SLC41A1: variants seen among roughly 807,000 people sequenced by gnomAD.
SLC41A1 encodes solute carrier family 41 (magnesium transporter), member 1.
In SLC41A1, 20 loss-of-function variants were observed where a neutral mutation model predicts 47.3. The ratio of observed to expected loss-of-function variants is 0.42; its 90% confidence interval spans 0.30 to 0.61. The LOEUF is 0.61. Ranked by LOEUF, SLC41A1 falls within the 20% of genes least tolerant of loss-of-function variation. SLC41A1 has a pLI of 0.17. For missense variants in SLC41A1, 504 were observed against 674.1 expected, an observed-to-expected ratio of 0.75 and a Z score of 2.79; for synonymous variants, 282 against 272.7, an observed-to-expected ratio of 1.03 and a Z score of -0.34.
chr1:205,791,214 A>AC lies in SLC41A1; in HGVS notation c.*318dup, dbSNP rs1655619391. 1.2e-5 allele frequency: 5 copies of AC among 405,012 alleles called. No homozygotes were observed. 25.1% of individuals were successfully genotyped at this position (405,012 alleles called of 1,614,324 possible). On this transcript the variant is annotated 3_prime_UTR_variant, in exon 11 of 11. Coordinates refer to ENST00000367137, the MANE Select transcript of SLC41A1 (RefSeq NM_173854.6). This position sits in a 1 kb window ranked among gnomAD's most constrained non-coding sequence, Gnocchi z 4.0. The stretch of plus-strand genomic sequence containing the variant: ...GGCCAAGACAGGTTGCTAAAGCCAA[A>AC]CCCCATGTCCCCAGATTCCAGACAA...
At chr1:205,804,610 T>C (rs1242454136) in intron 2 of SLC41A1, among the ~76,000 whole-genome samples, 1 of 152,174 alleles carries the variant, frequency 6.6e-6, no homozygotes, top group Non-Finnish European at 1.5e-5. Flanking sequence ...TACATACCAC[T>C]GAGGCTCCAG....
In SLC41A1 at chr1:205,810,184, C is replaced by T. The variant is rs769758673; in HGVS notation, c.258G>A (p.Ala86=). 42 of 1,614,122 alleles carry T rather than the reference C, an allele frequency of 2.6e-5. No individual in the cohort carries two copies. In the Admixed American group the frequency reaches 3.2e-4, roughly 12 times the overall value. ...SDDVSTDRGP[A]PPSPLKETSF... ...AGGTCTCCTTGAGCGGGGAAGGTGG[C>T]GCAGGGCCACGGTCTGTGCTGACGT... Residue 86 remains alanine, a synonymous_variant, in exon 2 of 11, where the codon GCG becomes GCA. Transcript: ENST00000367137. This position sits in a 1 kb window ranked among gnomAD's most constrained non-coding sequence, Gnocchi z 5.5.
chr1:205,809,910 A>C (rs1351499547), intron 2 of SLC41A1, among the ~76,000 whole-genome samples, 160 bp downstream of exon 2: 2 of 152,164 alleles, frequency 1.3e-5, no homozygotes, highest in Non-Finnish European at 2.9e-5. Context: ...GTAGAAAGGA[A>C]CTAGACCAAG....
intron 2 of SLC41A1, 139 bp from the exon 3 acceptor site, chr1:205,801,199 A>G: frequency 1.4e-6 from 1 of 697,202 alleles, no homozygotes; most frequent in Admixed American, 2.1e-5. Context: ...CTTTCCTCCA[A>G]GAACCTTGGA....
Position 205,796,663 on chromosome 1 carries a change from A to G in SLC41A1, c.1072+261T>C, listed in dbSNP as rs1171253110. On this transcript the variant is annotated intron_variant, in intron 8 of 10. Coordinates refer to ENST00000367137, the MANE Select transcript of SLC41A1 (RefSeq NM_173854.6). ...ATTCTGTTCTAGCAACAGATAATGG[A>G]CTATGATACTCCCCTTGACCCTTTA... 3 of 556,612 alleles carry G rather than the reference A, an allele frequency of 5.4e-6. No homozygotes were observed. In the East Asian group the frequency reaches 9.2e-5, roughly 17 times the overall value. 34.5% of individuals were successfully genotyped at this position (556,612 alleles called of 1,614,324 possible).
At chr1:205,793,882 G>A (rs1207431541) in intron 10 of SLC41A1, among the ~76,000 whole-genome samples, 1 of 152,194 alleles carries the variant, frequency 6.6e-6, no homozygotes, top group Non-Finnish European at 1.5e-5. Flanking sequence ...GTGAAGGAGA[G>A]AAACAGATGG....
chr1:205,797,851 T>A, intron 7 of SLC41A1, 53 bp downstream of exon 7: 1 of 1,612,094 alleles, frequency 6.2e-7, no homozygotes, highest in Non-Finnish European at 8.5e-7. Context: ...TAAAAAGAAG[T>A]CTGTGGAAGG....
chr1:205,793,453 A>G (rs747891362), intron 10 of SLC41A1, among the ~76,000 whole-genome samples: 8 of 152,212 alleles, frequency 5.3e-5, no homozygotes, highest in Non-Finnish European at 2.9e-5. Flanking sequence ...CACGTGCTGC[A>G]CTGGAACCCA....
intron 3 of SLC41A1, 52 bp downstream of exon 3, chr1:205,800,901 G>T: frequency 6.6e-7 from 1 of 1,520,920 alleles, no homozygotes; most frequent in Non-Finnish European, 9.1e-7. Context: ...CTCTGGCTCT[G>T]TGCTGCCCAG....
At chr1:205,795,276 C>G (rs1655719313) in intron 9 of SLC41A1, 68 bp downstream of exon 9, 2 of 1,611,440 alleles carry the variant, frequency 1.2e-6, no homozygotes, top group Admixed American at 3.3e-5. Context: ...CCAGCTGTCT[C>G]TTAAGTGAAG....
At chr1:205,803,632 CTTTTTT>C (rs140199204) in intron 2 of SLC41A1, among the ~76,000 whole-genome samples, 1 of 121,028 alleles carries the variant, frequency 8.3e-6, no homozygotes, top group Non-Finnish European at 1.8e-5. Flanking sequence ...TAGTCAAATT[CTTTTTT>C]TTTTTTTTTT....
In SLC41A1 at chr1:205,812,983, C is replaced by A. The variant is rs1656197489; in HGVS notation, c.-822G>T. On this transcript the variant is annotated 5_prime_UTR_variant, in exon 1 of 11. Transcript: ENST00000367137. The stretch of plus-strand genomic sequence containing the variant: ...GAGCGTCCAGCCGCGACACCCGGCT[C>A]GCTACATTTCGCTTCTGCGTTACAG... The A allele has an allele frequency of 2.0e-6, 2 of 985,852 alleles. No individual in the cohort carries two copies. The highest frequency in any genetic ancestry group is 2.4e-6 in the Non-Finnish European group (2 of 830,260). 61.1% of individuals were successfully genotyped at this position (985,852 alleles called of 1,614,324 possible).
chr1:205,798,958 C>G lies in SLC41A1; in HGVS notation c.696G>C (p.Leu232=). 1 of 1,614,128 alleles carries G rather than the reference C, an allele frequency of 6.2e-7. No homozygotes were observed. Among genetic ancestry groups the G allele is most frequent in the Non-Finnish European group, 8.5e-7 (1 of 1,180,032 alleles). Residue 232 remains leucine (L), a splice_region_variant and synonymous_variant, in exon 5 of 11, where the codon CTG becomes CTC. Transcript: ENST00000367137. ...VATAFIASLV[L]GMIMIGVIIG... is the part of the protein sequence containing the mutation. ...TCCTCTATGCCCTCCCTTTCTTACC[C>G]AGTACCAGGGAGGCAATGAAGGCTG...
intron 10 of SLC41A1, among the ~76,000 whole-genome samples, chr1:205,793,927 C>T (rs1655682966): frequency 1.3e-5 from 2 of 152,194 alleles, no homozygotes; most frequent in African/African-American, 2.4e-5. Flanking sequence ...AGACTTTTCA[C>T]TGAGGTTTCT....
Position 205,798,986 on chromosome 1 carries a change from G to A in SLC41A1, c.668C>T (p.Ala223Val). The change falls in exon 5 of 11, where the codon GCC becomes GTC. Residue 223 changes from alanine to valine, a missense_variant. Physicochemically the swap from Ala to Val is moderately conservative, Grantham distance 64 (BLOSUM62 0). Coordinates refer to ENST00000367137, the MANE Select transcript of SLC41A1 (RefSeq NM_173854.6). Reference sequence around the variant, plus strand: ...TACCAGGGAGGCAATGAAGGCTGTGGCCACGCTGCTAGCACAGAGCAGGAA... The same window carrying A: ...TACCAGGGAGGCAATGAAGGCTGTGACCACGCTGCTAGCACAGAGCAGGAA... ...HAFLLCASSV[A>V]TAFIASLVLG... 1 of 1,614,088 alleles carries A rather than the reference G, an allele frequency of 6.2e-7. No individual in the cohort carries two copies. Among genetic ancestry groups the A allele is most frequent in the Non-Finnish European group, 8.5e-7 (1 of 1,180,040 alleles).
intron 2 of SLC41A1, among the ~76,000 whole-genome samples, chr1:205,808,231 C>G (rs1279502275): frequency 1.3e-5 from 2 of 152,208 alleles, no homozygotes; most frequent in African/African-American, 4.8e-5. Context: ...GCTAGGATTA[C>G]AGGCATGAGC....
chr1:205,801,540 G>T (rs1655881088), intron 2 of SLC41A1: 1 of 207,772 alleles, frequency 4.8e-6, no homozygotes, highest in Non-Finnish European at 9.8e-6. Context: ...GAGTTTGTTT[G>T]GTTTCTATCT....
At position 205,796,936 on chromosome 1, in the gene SLC41A1, G is replaced by T; in HGVS notation, c.1060C>A (p.Pro354Thr). 6.2e-7 allele frequency: 1 copy of T among 1,612,822 alleles called. No homozygotes were observed. Among genetic ancestry groups the T allele is most frequent in the Non-Finnish European group, 8.5e-7 (1 of 1,179,598 alleles). Residue 354 changes from proline to threonine, a missense_variant, in exon 8 of 11, where the codon CCT becomes ACT. By Grantham distance (38) the Pro-to-Thr change is conservative (BLOSUM62 -1). Around this residue, in one of 2 missense-constraint regions of SLC41A1, gnomAD observed 421 missense variants for 601.6 expected, o/e 0.70. Transcript: ENST00000367137. ...GCCCAGACCTCACCATTAATCACAG[G>T]CGTGAAGACAGCCATCCCAGCAAAG... ...PNFAGMAVFT[P>T]VINGVGGNLV...
chr1:205,792,263 C>T (rs1655643592), intron 10 of SLC41A1, among the ~76,000 whole-genome samples: 1 of 152,206 alleles, frequency 6.6e-6, no homozygotes, highest in Non-Finnish European at 1.5e-5. Flanking sequence ...TTCCTCCTGA[C>T]CCTTTTCATT....
Sources: allele counts gnomAD v4.1 joint callset (sites outside exome capture counted in the v4.1 genomes callset), GRCh38; gene constraint gnomAD v4.1.1; regional missense constraint gnomAD v4.1.1; non-coding constraint Gnocchi (gnomAD v3.1); transcripts MANE v1.5; gene names NCBI Gene and HGNC (gene_info 2026-07-23, HGNC 2026-07-21).